Variants in FRMD4A observed in about 807,000 individuals in gnomAD.
The protein encoded by FRMD4A is FERM domain containing 4A.
FRMD4A carries 29 observed loss-of-function variants against 129.1 expected under a neutral mutation model. That is an observed-to-expected ratio of 0.22 (90% CI 0.17 to 0.31). FRMD4A has a LOEUF of 0.31. Among genes scored for constraint, FRMD4A ranks in the 10% least tolerant of loss-of-function variants. The pLI, the probability that FRMD4A is intolerant of heterozygous loss-of-function variation, is 1.00. For synonymous variants in FRMD4A, 634 were observed against 571.6 expected, an observed-to-expected ratio of 1.11 and a Z score of -1.56; for missense variants, 1,272 against 1,375.8, an observed-to-expected ratio of 0.92 and a Z score of 1.19.
At chr10:14,322,956 C>G (rs910769616) in intron 2 of FRMD4A, among the ~76,000 whole-genome samples, 2 of 152,174 alleles carry the variant, frequency 1.3e-5, no homozygotes, top group Non-Finnish European at 2.9e-5. Context: ...ACGCATTTTG[C>G]CTTTGCCAGA....
chr10:14,266,991 T>G (rs115675005), intron 2 of FRMD4A, among the ~76,000 whole-genome samples: 74 of 152,348 alleles, frequency 4.9e-4, no homozygotes, highest in African/African-American at 1.8e-3. Flanking sequence ...CATTTAAGTT[T>G]TAGTGTCACT....
intron 2 of FRMD4A, among the ~76,000 whole-genome samples, chr10:13,984,146 G>T (rs373003434): frequency 2.6e-5 from 4 of 152,088 alleles, no homozygotes; most frequent in African/African-American, 9.7e-5. Context: ...TCTGCAGGGG[G>T]CACGCCAGCT....
intron 2 of FRMD4A, among the ~76,000 whole-genome samples, chr10:13,937,405 T>C (rs1197905792): frequency 6.6e-6 from 1 of 152,178 alleles, no homozygotes; most frequent in Non-Finnish European, 1.5e-5. Context: ...TTTCATGTTG[T>C]AGAAGTCAAA....
At chr10:14,253,772 T>C (rs1286789923) in intron 2 of FRMD4A, among the ~76,000 whole-genome samples, 1 of 152,216 alleles carries the variant, frequency 6.6e-6, no homozygotes, top group Non-Finnish European at 1.5e-5. Context: ...CTTATTGTTT[T>C]GCTCTTGGTT....
intron 18 of FRMD4A, 81 bp from the exon 19 acceptor site, chr10:13,663,590 T>C: frequency 2.7e-6 from 2 of 753,148 alleles, no homozygotes; most frequent in Non-Finnish European, 4.9e-6. Context: ...GCATGTCTAC[T>C]ACCACCTCAT....
chr10:14,125,450 C>A (rs564184654), intron 2 of FRMD4A, among the ~76,000 whole-genome samples: 2 of 152,254 alleles, frequency 1.3e-5, no homozygotes, highest in South Asian at 2.1e-4. Context: ...CCCTGCCAAG[C>A]AGACTGAGAC....
At chr10:13,651,841 A>AAAGCAACACATGT in intron 24 of FRMD4A, 62 bp downstream of exon 24, 2 of 839,332 alleles carry the variant, frequency 2.4e-6, no homozygotes, top group Non-Finnish European at 4.2e-6. Flanking sequence ...GACATGGACA[A>AAAGCAACACATGT]AAGCAACACA....
intron 3 of FRMD4A, among the ~76,000 whole-genome samples, chr10:13,833,626 A>G (rs192211236): frequency 7.8e-4 from 119 of 152,220 alleles, no homozygotes; most frequent in East Asian, 1.5e-3. Flanking sequence ...GAACCTGTCA[A>G]TACAATATCA....
chr10:13,718,399 T>C (rs1204906353), intron 12 of FRMD4A, among the ~76,000 whole-genome samples: 1 of 152,262 alleles, frequency 6.6e-6, no homozygotes, highest in Non-Finnish European at 1.5e-5. Context: ...CAGCCTGGAC[T>C]TTCCACTTGG....
intron 2 of FRMD4A, among the ~76,000 whole-genome samples, chr10:14,239,432 C>G (rs182596462): frequency 6.6e-6 from 1 of 152,230 alleles, no homozygotes; most frequent in East Asian, 1.9e-4. Context: ...TCAAGACCAT[C>G]CTGGCTAACA....
At position 13,663,527 on chromosome 10, in the gene FRMD4A, A is replaced by C; in HGVS notation, c.1604-18T>G. The C allele has an allele frequency of 1.5e-6, 2 of 1,364,898 alleles. No homozygotes were observed. The highest frequency in any genetic ancestry group is 2.1e-6 in the Non-Finnish European group (2 of 952,064). 84.5% of individuals were successfully genotyped at this position (1,364,898 alleles called of 1,614,324 possible). On this transcript the variant is annotated intron_variant, in intron 18 of 24. Transcript: ENST00000357447. ...GTTTCCATCTGAGAAGACAAAAAGC[A>C]ATAGCCTATGAGTTCAGCACATTCC...
intron 2 of FRMD4A, among the ~76,000 whole-genome samples, chr10:14,102,739 G>T (rs187150447): frequency 1.3e-5 from 2 of 148,406 alleles, no homozygotes; most frequent in Admixed American, 1.4e-4. Context: ...TTGGCTTCTA[G>T]TACAACTTTC....
At chr10:13,652,895 C>T (rs1207289925) in intron 23 of FRMD4A, 6 of 152,116 alleles carry the variant, frequency 3.9e-5, no homozygotes, top group African/African-American at 1.2e-4. Flanking sequence ...GAGGCTCACT[C>T]GTGCTGCTGG....
intron 2 of FRMD4A, among the ~76,000 whole-genome samples, chr10:14,066,216 T>C (rs1334007474): frequency 6.6e-6 from 1 of 151,860 alleles, no homozygotes; most frequent in Non-Finnish European, 1.5e-5. Flanking sequence ...CACCTTAGTA[T>C]GTAGAGCTGC....
At chr10:13,654,369 A>G in intron 23 of FRMD4A, 47 bp downstream of exon 23, 1 of 1,175,744 alleles carries the variant, frequency 8.5e-7, no homozygotes, top group East Asian at 2.3e-5. Flanking sequence ...AACGTCTATG[A>G]CACTCTTTCG....
In FRMD4A at chr10:14,279,703, AC is replaced by A. The variant is rs555946845; in HGVS notation, c.45+50354del. Among the ~76,000 whole-genome samples the A allele has an allele frequency of 2.5e-4, 38 of 152,346 alleles. No homozygotes were observed. The South Asian group carries it at 7.2e-3, about 29-fold the overall frequency. On this transcript the variant is annotated intron_variant, in intron 2 of 24. Coordinates refer to ENST00000357447, the MANE Select transcript of FRMD4A (RefSeq NM_018027.5). ...AAAGTTGGAACCTGGAGAGATGTTG[AC>A]AATAACAACGTGTCCTAACTCTATG...
chr10:14,324,567 C>A (rs1037865789), intron 2 of FRMD4A, among the ~76,000 whole-genome samples: 8 of 152,166 alleles, frequency 5.3e-5, no homozygotes, highest in African/African-American at 2.4e-5. Context: ...TTATTATTCT[C>A]CAAATTTCCA....
intron 15 of FRMD4A, among the ~76,000 whole-genome samples, chr10:13,691,008 GAC>G (rs912816839): frequency 5.9e-4 from 90 of 152,274 alleles, no homozygotes; most frequent in African/African-American, 2.1e-3. Flanking sequence ...GTGTGAGAGA[GAC>G]ACAGTCTCAC....
At chr10:14,012,045 G>A (rs1258937732) in intron 2 of FRMD4A, among the ~76,000 whole-genome samples, 1 of 151,972 alleles carries the variant, frequency 6.6e-6, no homozygotes, top group African/African-American at 2.4e-5. Context: ...ACAGCAAGAG[G>A]AAAACCTATG....
Sources: allele counts gnomAD v4.1 joint callset (sites outside exome capture counted in the v4.1 genomes callset), GRCh38; gene constraint gnomAD v4.1.1; transcripts MANE v1.5; gene names NCBI Gene and HGNC (gene_info 2026-07-23, HGNC 2026-07-21).